Variants in CDH4 observed in about 807,000 individuals in gnomAD.
CDH4 encodes the protein cadherin-4.
Under a neutral mutation model 86.0 loss-of-function variants are expected in CDH4, and 33 were observed. That is an observed-to-expected ratio of 0.38 (90% CI 0.29 to 0.51). The LOEUF (loss-of-function observed/expected upper bound fraction) is 0.51, where lower values mean the gene tolerates loss of function less well. Among genes scored for constraint, CDH4 ranks in the 20% least tolerant of loss-of-function variants. The pLI, the probability that CDH4 is intolerant of heterozygous loss-of-function variation, is 0.86. For missense variants in CDH4, 1,114 were observed against 1,307.4 expected (o/e 0.85, Z 2.28); for synonymous variants, 555 against 549.4 (o/e 1.01, Z -0.14).
At chr20:61,286,963 A>G (rs6028092) in intron 2 of CDH4, among the ~76,000 whole-genome samples, 4,356 of 152,268 alleles carry the variant, frequency 0.029, 199 homozygotes, top group African/African-American at 0.096. Flanking sequence ...ACCCTTCTCA[A>G]TGGTGCTTCC....
intron 4 of CDH4, among the ~76,000 whole-genome samples, chr20:61,841,014 A>G (rs1306238424): frequency 6.6e-6 from 1 of 152,226 alleles, no homozygotes; most frequent in Non-Finnish European, 1.5e-5. Context: ...AAATTTCCCT[A>G]TGAAAGAGGG....
chr20:61,336,398 C>T (rs1012955929), intron 2 of CDH4, among the ~76,000 whole-genome samples: 2 of 152,206 alleles, frequency 1.3e-5, no homozygotes, highest in Non-Finnish European at 2.9e-5. Context: ...ACTGATTCTT[C>T]CCTGATTCCT....
intron 2 of CDH4, among the ~76,000 whole-genome samples, chr20:61,527,844 G>C (rs1168328955): frequency 6.6e-6 from 1 of 152,054 alleles, no homozygotes; most frequent in Non-Finnish European, 1.5e-5. Context: ...AAGACGGTCT[G>C]TCAGGGCAGC....
chr20:61,618,971 A>T (rs113262529), intron 2 of CDH4, among the ~76,000 whole-genome samples: 1 of 152,280 alleles, frequency 6.6e-6, no homozygotes, highest in African/African-American at 2.4e-5. Flanking sequence ...TACCTCAACA[A>T]TAGGAGATCT....
intron 2 of CDH4, among the ~76,000 whole-genome samples, chr20:61,626,629 C>T (rs551638096): frequency 3.9e-5 from 6 of 152,298 alleles, no homozygotes; most frequent in South Asian, 4.1e-4. Context: ...CCTTTTTCCA[C>T]GCCCGGGCTT....
At position 61,742,391 on chromosome 20, in the gene CDH4, T is replaced by C. The variant is rs1372315743; in HGVS notation, c.170-1172T>C. ...CTGGGAAGATATCTAAAGTGAACTATTGAGAAGAGGGAACAGACACGTTAT... is the reference window on the plus strand; with the variant it reads ...CTGGGAAGATATCTAAAGTGAACTACTGAGAAGAGGGAACAGACACGTTAT... On this transcript the variant is annotated intron_variant, in intron 2 of 15. Transcript: ENST00000614565. 8.5e-5 allele frequency among the ~76,000 whole-genome samples: 13 copies of C among 152,288 alleles called. 2 individuals are homozygous for C. Among genetic ancestry groups the C allele is most frequent in the Admixed American group, 6.5e-5 (1 of 15,304 alleles).
At chr20:61,565,373 T>C (rs61700040) in intron 2 of CDH4, among the ~76,000 whole-genome samples, 2,130 of 13,754 alleles carry the variant, frequency 0.15, 579 homozygotes, top group African/African-American at 0.52. Context: ...ATGGTGGTGG[T>C]GGTCCTCTTG....
At chr20:61,613,086 G>A (rs146986082) in intron 2 of CDH4, among the ~76,000 whole-genome samples, 4 of 152,138 alleles carry the variant, frequency 2.6e-5, no homozygotes, top group East Asian at 1.9e-4. Context: ...TGCCCCTGCC[G>A]AGAGCGGTGT....
chr20:61,443,944 CTGTGTGTGTG>C (rs1011849665), intron 2 of CDH4, among the ~76,000 whole-genome samples: 10 of 126,848 alleles, frequency 7.9e-5, no homozygotes, highest in South Asian at 5.2e-4. Flanking sequence ...TTGTGGATAT[CTGTGTGTGTG>C]TCTGTGTGTG....
chr20:61,530,251 G>A (rs2085942202), intron 2 of CDH4, among the ~76,000 whole-genome samples: 2 of 152,220 alleles, frequency 1.3e-5, no homozygotes, highest in African/African-American at 2.4e-5. Flanking sequence ...GGCTGGTCTC[G>A]AACTCCTGAC....
intron 8 of CDH4, among the ~76,000 whole-genome samples, chr20:61,901,674 C>A (rs2054728365): frequency 4.6e-5 from 7 of 152,260 alleles, no homozygotes; most frequent in Admixed American, 4.6e-4. Flanking sequence ...GAAGCAGCAC[C>A]CAACGCCGGG....
intron 2 of CDH4, among the ~76,000 whole-genome samples, chr20:61,702,471 G>A (rs2087787299): frequency 1.3e-5 from 2 of 152,178 alleles, no homozygotes; most frequent in South Asian, 4.1e-4. Context: ...CGCAGCCCAA[G>A]TCACTAGCCT....
At chr20:61,904,018 G>T (rs73917132) in intron 8 of CDH4, among the ~76,000 whole-genome samples, 2,443 of 152,324 alleles carry the variant, frequency 0.016, 55 homozygotes, top group African/African-American at 0.054. Context: ...GCTTCTCTTG[G>T]TGCTTTGGAG....
At chr20:61,556,093 G>T (rs1156976359) in intron 2 of CDH4, among the ~76,000 whole-genome samples, 1 of 152,188 alleles carries the variant, frequency 6.6e-6, no homozygotes, top group African/African-American at 2.4e-5. Flanking sequence ...ATGTTCTCCT[G>T]CCTTTCTCGG....
chr20:61,685,789 G>C (rs1449120652), intron 2 of CDH4, among the ~76,000 whole-genome samples: 1 of 152,212 alleles, frequency 6.6e-6, no homozygotes, highest in African/African-American at 2.4e-5. Context: ...CTCGTCCCAT[G>C]TGCACCCTCA....
chr20:61,928,285 T>C lies in CDH4; in HGVS notation c.1867T>C (p.Cys623Arg), dbSNP rs767757469. Residue 623 changes from cysteine (C) to arginine (R), a missense_variant, in exon 12 of 16, where the codon TGC (cysteine) becomes CGC (arginine). By Grantham distance (180) the Cys-to-Arg change is radical (BLOSUM62 -3). Coordinates refer to ENST00000614565, the MANE Select transcript of CDH4 (RefSeq NM_001794.5). Reference sequence around the variant, plus strand: ...GCTGCTGCCCAAGGAGGCGCAGATCTGCGAGAAGCCCAACCTGAACGCCAT... The same window carrying C: ...GCTGCTGCCCAAGGAGGCGCAGATCCGCGAGAAGCCCAACCTGAACGCCAT... Reference protein sequence around the residue: ...PELLPKEAQICEKPNLNAINI... With the variant: ...PELLPKEAQIREKPNLNAINI... The C allele has an allele frequency of 1.2e-6, 2 of 1,610,274 alleles. No individual in the cohort carries two copies. The highest frequency in any genetic ancestry group is 1.7e-6 in the Non-Finnish European group (2 of 1,179,984).
intron 2 of CDH4, among the ~76,000 whole-genome samples, chr20:61,438,106 G>A (rs1387504134): frequency 6.6e-6 from 1 of 152,188 alleles, no homozygotes; most frequent in African/African-American, 2.4e-5. Context: ...CTGCCACCCT[G>A]AACCCTGCTA....
intron 2 of CDH4, among the ~76,000 whole-genome samples, chr20:61,548,674 T>C (rs943416696): frequency 2.0e-5 from 3 of 152,160 alleles, no homozygotes; most frequent in African/African-American, 7.2e-5. Context: ...TTTTAAGTAA[T>C]TCAAAGAGAA....
intron 9 of CDH4, among the ~76,000 whole-genome samples, chr20:61,914,371 T>G (rs1246955759): frequency 6.6e-6 from 1 of 152,186 alleles, no homozygotes; most frequent in Non-Finnish European, 1.5e-5. Context: ...CGCTTTTTTC[T>G]CCTTTCCTCC....
Sources: allele counts gnomAD v4.1 joint callset (sites outside exome capture counted in the v4.1 genomes callset), GRCh38; gene constraint gnomAD v4.1.1; transcripts MANE v1.5; gene names NCBI Gene and HGNC (gene_info 2026-07-23, HGNC 2026-07-21).